MYO3B: variants seen among roughly 807,000 people sequenced by gnomAD.
The protein encoded by MYO3B is myosin IIIB.
In MYO3B, 156 loss-of-function variants were observed where a neutral mutation model predicts 174.6. The observed-to-expected ratio is 0.89, with a 90% CI of 0.78 to 1.02. MYO3B has a LOEUF of 1.02. Ranked by LOEUF, MYO3B falls within the 50% of genes least tolerant of loss-of-function variation. The pLI is 0.00. For synonymous variants in MYO3B, 563 were observed against 569.1 expected (o/e 0.99, Z 0.15); for missense variants, 1,632 against 1,639.4 (o/e 1.00, Z 0.08).
chr2:170,182,374 T>C (rs1362092584), intron 1 of MYO3B, among the ~76,000 whole-genome samples: 1 of 152,188 alleles, frequency 6.6e-6, no homozygotes, highest in Non-Finnish European at 1.5e-5. Flanking sequence ...TGAACAGTAT[T>C]ATTTAGTCCA....
chr2:170,391,503 GTC>G lies in MYO3B; in HGVS notation c.1578-13_1578-12del, dbSNP rs1386828111. 4.0e-6 allele frequency: 5 copies of G among 1,250,182 alleles called. No individual in the cohort carries two copies. Among genetic ancestry groups the G allele is most frequent in the Non-Finnish European group, 4.5e-6 (4 of 897,744 alleles). 77.4% of individuals were successfully genotyped at this position (1,250,182 alleles called of 1,614,324 possible). A position where few individuals can be genotyped will look rare whatever the true frequency, so the allele number is the denominator to read the frequency against. The stretch of plus-strand genomic sequence containing the variant: ...GAAGCCAGAATATATTATTACTAAA[GTC>G]TCTTTTTTTTTCAGGAGAGAGAAAA... On this transcript the variant is annotated splice_polypyrimidine_tract_variant and intron_variant, in intron 14 of 34. Coordinates refer to ENST00000408978, the MANE Select transcript of MYO3B (RefSeq NM_138995.5).
At chr2:170,191,875 G>C (rs2092544713) in intron 1 of MYO3B, among the ~76,000 whole-genome samples, 1 of 152,168 alleles carries the variant, frequency 6.6e-6, no homozygotes, top group Non-Finnish European at 1.5e-5. Context: ...CCTATAGGGA[G>C]GACTATCAGT....
At chr2:170,249,311 C>G (rs1457493915) in intron 7 of MYO3B, among the ~76,000 whole-genome samples, 1 of 152,194 alleles carries the variant, frequency 6.6e-6, no homozygotes, top group Non-Finnish European at 1.5e-5. Flanking sequence ...TATCCTTATT[C>G]TTTTAATTAG....
chr2:170,225,205 C>T (rs2092938962), intron 6 of MYO3B, among the ~76,000 whole-genome samples: 1 of 152,202 alleles, frequency 6.6e-6, no homozygotes, highest in African/African-American at 2.4e-5. Context: ...AATCTTACAA[C>T]ACTACCAAAA....
At chr2:170,643,426 G>A (rs1698132807) in intron 32 of MYO3B, among the ~76,000 whole-genome samples, 1 of 152,152 alleles carries the variant, frequency 6.6e-6, no homozygotes, top group South Asian at 2.1e-4. Flanking sequence ...TGACAGCTGG[G>A]TTATTGTCAC....
intron 7 of MYO3B, among the ~76,000 whole-genome samples, chr2:170,318,915 C>T (rs2093795367): frequency 1.3e-5 from 2 of 152,050 alleles, no homozygotes; most frequent in African/African-American, 4.8e-5. Context: ...AATAGGGAAA[C>T]CCAAATATAC....
chr2:170,625,007 G>A lies in MYO3B; in HGVS notation c.3734-26621G>A, dbSNP rs550982038. 4.6e-5 allele frequency among the ~76,000 whole-genome samples: 7 copies of A among 152,262 alleles called. No homozygotes were observed. In the South Asian group the frequency reaches 1.2e-3, roughly 27 times the overall value. On this transcript the variant is annotated intron_variant, in intron 32 of 34. Coordinates refer to ENST00000408978, the MANE Select transcript of MYO3B (RefSeq NM_138995.5). The stretch of plus-strand genomic sequence containing the variant: ...GGATTTTTGCATCGATGTTCATCAG[G>A]GATATTGGTCTAAAATTCTCTTGTT...
intron 32 of MYO3B, among the ~76,000 whole-genome samples, chr2:170,591,701 A>T (rs1322438161): frequency 6.6e-6 from 1 of 152,258 alleles, no homozygotes; most frequent in African/African-American, 2.4e-5. Flanking sequence ...TTCAGGGGTT[A>T]GGAACTAAAG....
At chr2:170,443,362 T>A (rs2094816495) in intron 22 of MYO3B, among the ~76,000 whole-genome samples, 1 of 152,248 alleles carries the variant, frequency 6.6e-6, no homozygotes, top group Non-Finnish European at 1.5e-5. Flanking sequence ...TTCTTGTAAA[T>A]TTAAGTTCTT....
intron 7 of MYO3B, among the ~76,000 whole-genome samples, chr2:170,305,986 A>AT (rs1203383782): frequency 6.6e-6 from 1 of 152,068 alleles, no homozygotes; most frequent in Non-Finnish European, 1.5e-5. Context: ...TAATTCTTTT[A>AT]TTTTACATGA....
chr2:170,485,626 C>T (rs1445983062), intron 25 of MYO3B, among the ~76,000 whole-genome samples: 2 of 152,164 alleles, frequency 1.3e-5, no homozygotes, highest in African/African-American at 4.8e-5. Context: ...CGTTCCTCTA[C>T]TGGTGGATAC....
chr2:170,400,671 G>C (rs1403796626), intron 17 of MYO3B, among the ~76,000 whole-genome samples: 2 of 145,130 alleles, frequency 1.4e-5, no homozygotes, highest in Non-Finnish European at 3.0e-5. Flanking sequence ...GCCTCCCAAA[G>C]TGTTGGGATT....
intron 28 of MYO3B, 68 bp from the exon 29 acceptor site, chr2:170,514,853 C>A: frequency 7.1e-7 from 1 of 1,404,404 alleles, no homozygotes; most frequent in Non-Finnish European, 9.9e-7. Flanking sequence ...ACTTGTATCA[C>A]CCAGTTTGGT....
intron 7 of MYO3B, among the ~76,000 whole-genome samples, chr2:170,311,988 C>A (rs139992244): frequency 8.6e-4 from 131 of 152,326 alleles, no homozygotes; most frequent in African/African-American, 3.0e-3. Context: ...AATCACACTA[C>A]TTTGATTGCT....
rs1574531514 is a variant in MYO3B at position 170,180,523 on chromosome 2, C to T, written c.2+2234C>T. Among the ~76,000 whole-genome samples the T allele has an allele frequency of 2.6e-5, 4 of 152,220 alleles. No individual in the cohort carries two copies. In the South Asian group the frequency reaches 8.3e-4, roughly 32 times the overall value. On this transcript the variant is annotated intron_variant, in intron 1 of 34. Transcript: ENST00000408978. ...CTCTGTTTCATATGGTTTCTGCTAT[C>T]CTCTGACTTCAGCACACATTTGGGT...
chr2:170,196,970 C>T (rs990967224), intron 1 of MYO3B, among the ~76,000 whole-genome samples: 2 of 151,898 alleles, frequency 1.3e-5, no homozygotes, highest in Non-Finnish European at 2.9e-5. Context: ...CTGCAGATAA[C>T]ATCACTATTT....
intron 32 of MYO3B, among the ~76,000 whole-genome samples, chr2:170,649,764 T>C (rs1698856786): frequency 2.1e-5 from 3 of 145,388 alleles, no homozygotes; most frequent in Admixed American, 1.4e-4. Flanking sequence ...GAGGTAGAAA[T>C]TGCAGTGAGC....
At chr2:170,602,151 C>G (rs1226465175) in intron 32 of MYO3B, 3 of 1,228,174 alleles carry the variant, frequency 2.4e-6, no homozygotes, top group East Asian at 4.6e-5. Flanking sequence ...TCTTCTTACA[C>G]TCCTCCCGAC....
chr2:170,590,151 G>T (rs191241519), intron 32 of MYO3B, among the ~76,000 whole-genome samples: 2 of 152,288 alleles, frequency 1.3e-5, no homozygotes, highest in Admixed American at 1.3e-4. Context: ...CCATCATGAA[G>T]TGATATATGC....
Sources: allele counts gnomAD v4.1 joint callset (sites outside exome capture counted in the v4.1 genomes callset), GRCh38; gene constraint gnomAD v4.1.1; transcripts MANE v1.5; gene names NCBI Gene and HGNC (gene_info 2026-07-23, HGNC 2026-07-21).